ATP7B: variants seen among roughly 807,000 people sequenced by gnomAD.
ATP7B encodes the protein copper-transporting ATPase 2.
A neutral mutation model predicts 118.9 loss-of-function variants in ATP7B; 113 were observed. The observed-to-expected ratio is 0.95, with a 90% CI of 0.82 to 1.11. The LOEUF (loss-of-function observed/expected upper bound fraction) is 1.11, where lower values mean the gene tolerates loss of function less well. Among genes scored for constraint, ATP7B ranks in the 50% most tolerant of loss-of-function variants. ATP7B has a pLI of 0.00. For missense variants in ATP7B, 1,867 were observed against 1,871.4 expected (o/e 1.00, Z 0.04); for synonymous variants, 777 against 727.4 (o/e 1.07, Z -1.10).
At chr13:51,975,527 A>C in intron 1 of ATP7B, 1 of 526,236 alleles carries the variant, frequency 1.9e-6, no homozygotes, top group African/African-American at 1.9e-5. Context: ...CACGGTGGGA[A>C]GGCACAGGTA....
Position 51,957,549 on chromosome 13 carries a change from A to G in ATP7B, c.2414T>C (p.Val805Ala), listed in dbSNP as rs1958434038. 6.2e-7 allele frequency: 1 copy of G among 1,614,074 alleles called. No individual in the cohort carries two copies. Among genetic ancestry groups the G allele is most frequent in the Non-Finnish European group, 8.5e-7 (1 of 1,180,004 alleles). Reference protein sequence around the residue: ...LMSLQATEATVVTLGEDNLII... With the variant: ...LMSLQATEATAVTLGEDNLII... ...TAAATTGTCCTCACCAAGGGTCACA[A>G]CGGTGGCTTCTGTGGCTTGGAGAGA... The change falls in exon 9 of 21, where the codon GTT becomes GCT. Residue 805 changes from valine to alanine, a missense_variant. By Grantham distance (64) the Val-to-Ala change is moderately conservative (BLOSUM62 0). Coordinates refer to ENST00000242839, the MANE Select transcript of ATP7B (RefSeq NM_000053.4).
At chr13:51,978,562 G>A (rs1157104737) in intron 1 of ATP7B, among the ~76,000 whole-genome samples, 3 of 152,180 alleles carry the variant, frequency 2.0e-5, no homozygotes, top group African/African-American at 4.8e-5. Context: ...ATGCCATGGA[G>A]ATATTAAATG....
chr13:51,997,223 T>C lies in ATP7B; in HGVS notation c.51+14064A>G, dbSNP rs193277991. On this transcript the variant is annotated intron_variant, in intron 1 of 20. Coordinates refer to ENST00000242839, the MANE Select transcript of ATP7B (RefSeq NM_000053.4). ...ATCAGAAGTAGATTTTCCAGGTAAC[T>C]GAAGCTCATCGCTTTGAGCATTAGA... Among the ~76,000 whole-genome samples, 22 of 152,380 alleles carry C rather than the reference T, an allele frequency of 1.4e-4. No individual in the cohort carries two copies. In the East Asian group the frequency reaches 4.0e-3, roughly 28 times the overall value.
intron 2 of ATP7B, among the ~76,000 whole-genome samples, chr13:51,971,163 C>A (rs1469753985): frequency 6.6e-6 from 1 of 152,214 alleles, no homozygotes; most frequent in Non-Finnish European, 1.5e-5. Flanking sequence ...TCAAGAAGGG[C>A]TCTTCAAATA....
chr13:51,964,060 G>GA (rs988120295), intron 5 of ATP7B, among the ~76,000 whole-genome samples: 13 of 143,372 alleles, frequency 9.1e-5, no homozygotes, highest in African/African-American at 2.6e-4. Flanking sequence ...AAAAAAGAAA[G>GA]AAAAAAAAAG....
intron 9 of ATP7B, among the ~76,000 whole-genome samples, chr13:51,950,637 T>C (rs1957939741): frequency 1.3e-5 from 2 of 152,052 alleles, no homozygotes; most frequent in Admixed American, 1.3e-4. Flanking sequence ...GAAGACAAGT[T>C]CTGTGGTAGA....
At position 51,941,126 on chromosome 13, in the gene ATP7B, C is replaced by T; in HGVS notation, c.3511G>A (p.Asp1171Asn). The change falls in exon 16 of 21, where the codon GAC becomes AAC. Residue 1171 changes from aspartate (D) to asparagine (N), a missense_variant. Transcript: ENST00000242839. ...GCTGTCTGTCCTTTCATCTCGTGGTCTGTCATAGCGTCACTGACATCGCTA... is the reference window on the plus strand; with the variant it reads ...GCTGTCTGTCCTTTCATCTCGTGGTTTGTCATAGCGTCACTGACATCGCTA... ...ISSDVSDAMT[D>N]HEMKGQTAIL... 6.2e-7 allele frequency: 1 copy of T among 1,614,154 alleles called. No homozygotes were observed. The highest frequency in any genetic ancestry group is 2.2e-5 in the East Asian group (1 of 44,886).
At chr13:51,991,716 C>T (rs1184154844) in intron 1 of ATP7B, among the ~76,000 whole-genome samples, 2 of 152,138 alleles carry the variant, frequency 1.3e-5, no homozygotes, top group African/African-American at 4.8e-5. Flanking sequence ...TGGCAGGCAC[C>T]CATTCCTCTC....
chr13:51,974,696 T>C lies in ATP7B; in HGVS notation c.524A>G (p.Lys175Arg). ...GGCCTCTTGGTTGCTGAGTGAGACT[T>C]TGACTCTCACTACTCCTTGCAGTTT... Reference protein sequence around the residue: ...VRKLQGVVRVKVSLSNQEAVI... With the variant: ...VRKLQGVVRVRVSLSNQEAVI... The change falls in exon 2 of 21, where the codon AAA (lysine) becomes AGA (arginine). Residue 175 changes from lysine (K) to arginine (R), a missense_variant. Transcript: ENST00000242839. The C allele has an allele frequency of 6.2e-7, 1 of 1,612,032 alleles. No individual in the cohort carries two copies. The highest frequency in any genetic ancestry group is 1.1e-5 in the South Asian group (1 of 91,052).
Position 51,934,625 on chromosome 13 carries a change from G to A in ATP7B, c.*131C>T. ...AAGGCCGCGTGCTGCAGGGCAGGAT[G>A]ACTGGACATATCCAGGGAGCGGAAG... On this transcript the variant is annotated 3_prime_UTR_variant, in exon 21 of 21. Coordinates refer to ENST00000242839, the MANE Select transcript of ATP7B (RefSeq NM_000053.4). 2 of 1,428,986 alleles carry A rather than the reference G, an allele frequency of 1.4e-6. No homozygotes were observed. The highest frequency in any genetic ancestry group is 1.9e-6 in the Non-Finnish European group (2 of 1,041,634). 88.5% of individuals were successfully genotyped at this position (1,428,986 alleles called of 1,614,324 possible). A position where few individuals can be genotyped will look rare whatever the true frequency, so the allele number is the denominator to read the frequency against.
At chr13:51,982,996 A>G (rs2147361) in intron 1 of ATP7B, among the ~76,000 whole-genome samples, 91,477 of 152,008 alleles carry the variant, frequency 0.6, 28,056 homozygotes, top group Non-Finnish European at 0.67. Context: ...CCGTTTGGGC[A>G]GACACCAAGC....
chr13:51,962,644 C>T (rs543163800), intron 5 of ATP7B, among the ~76,000 whole-genome samples: 2 of 152,282 alleles, frequency 1.3e-5, no homozygotes, highest in Admixed American at 1.3e-4. Context: ...AATCCTTTTA[C>T]AAGTAATACC....
At chr13:51,948,378 T>C (rs1957793908) in intron 12 of ATP7B, among the ~76,000 whole-genome samples, 1 of 152,142 alleles carries the variant, frequency 6.6e-6, no homozygotes, top group African/African-American at 2.4e-5. Context: ...GCCTCCCAAG[T>C]AGCTGAGTCT....
chr13:51,939,840 C>T (rs765231924), intron 16 of ATP7B, among the ~76,000 whole-genome samples: 1 of 152,048 alleles, frequency 6.6e-6, no homozygotes, highest in Non-Finnish European at 1.5e-5. Context: ...GAGAGAAAGA[C>T]ATATTTGGCT....
intron 4 of ATP7B, among the ~76,000 whole-genome samples, chr13:51,965,302 C>T (rs182499368): frequency 3.3e-5 from 5 of 152,282 alleles, no homozygotes; most frequent in African/African-American, 4.8e-5. Context: ...GCTTGACTTC[C>T]GGCTCTGATA....
At chr13:51,990,811 C>T (rs1391395979) in intron 1 of ATP7B, among the ~76,000 whole-genome samples, 5 of 152,266 alleles carry the variant, frequency 3.3e-5, no homozygotes, top group Admixed American at 6.5e-5. Context: ...CGAACCCACC[C>T]TGGCACAATG....
intron 1 of ATP7B, among the ~76,000 whole-genome samples, chr13:51,984,068 C>T (rs888177367): frequency 1.3e-5 from 2 of 151,908 alleles, no homozygotes; most frequent in Non-Finnish European, 2.9e-5. Flanking sequence ...ATGCGTTTAA[C>T]AAATTGACAG....
chr13:51,948,877 C>T (rs7140038), intron 12 of ATP7B, among the ~76,000 whole-genome samples: 86,090 of 151,956 alleles, frequency 0.57, 24,533 homozygotes, highest in Middle Eastern at 0.64. Context: ...AAATATTTAA[C>T]TATTATAAAA....
upstream of ATP7B, among the ~76,000 whole-genome samples, chr13:52,011,733 G>C (rs145371060): frequency 5.2e-3 from 795 of 152,358 alleles, 3 homozygotes; most frequent in Non-Finnish European, 6.0e-3. Context: ...CCGTGCCGGC[G>C]CCGCAGGGCG....
Sources: gnomAD v4.1 joint callset for allele counts (sites outside exome capture counted in the v4.1 genomes callset) on GRCh38, gnomAD v4.1.1 for gene constraint, MANE v1.5 for transcripts, NCBI Gene and HGNC (gene_info 2026-07-23, HGNC 2026-07-21) for gene names.